Variants in WDR70 observed in about 807,000 individuals in gnomAD.
The protein encoded by WDR70 is WD repeat-containing protein 70.
In WDR70, 53 loss-of-function variants were observed where a neutral mutation model predicts 88.6. The observed-to-expected ratio is 0.60, with a 90% CI of 0.48 to 0.75. The LOEUF is 0.75. Ranked by LOEUF, WDR70 falls within the 30% of genes least tolerant of loss-of-function variation. WDR70 has a pLI of 0.00. For synonymous variants in WDR70, 280 were observed against 270.0 expected (o/e 1.04, Z -0.36); for missense variants, 610 against 823.2 (o/e 0.74, Z 3.17).
intron 6 of WDR70, among the ~76,000 whole-genome samples, chr5:37,438,908 G>GC (rs1554139613): frequency 6.8e-6 from 1 of 146,226 alleles, no homozygotes; most frequent in Non-Finnish European, 1.5e-5. Flanking sequence ...GTCCTCATTC[G>GC]TTTTTTTTTT....
chr5:37,488,707 C>A (rs759812164), intron 8 of WDR70, among the ~76,000 whole-genome samples: 1 of 151,766 alleles, frequency 6.6e-6, no homozygotes, highest in Non-Finnish European at 1.5e-5. Context: ...TTTCTGGTTC[C>A]TTTGTATTGT....
At chr5:37,432,868 C>G (rs1561850264) in intron 5 of WDR70, among the ~76,000 whole-genome samples, 1 of 151,948 alleles carries the variant, frequency 6.6e-6, no homozygotes, top group Non-Finnish European at 1.5e-5. Context: ...CGGCCTTTTG[C>G]TCATTTTAAA....
intron 17 of WDR70, among the ~76,000 whole-genome samples, chr5:37,741,459 A>G (rs112326186): frequency 6.6e-6 from 1 of 152,112 alleles, no homozygotes; most frequent in Non-Finnish European, 1.5e-5. Context: ...TTCGTGGAAG[A>G]CAATTTTTCC....
intron 6 of WDR70, among the ~76,000 whole-genome samples, chr5:37,438,301 C>G (rs533389405): frequency 6.6e-6 from 1 of 152,170 alleles, no homozygotes; most frequent in South Asian, 2.1e-4. Flanking sequence ...AAATTTCTTA[C>G]TACCTTTAGC....
At chr5:37,667,216 C>T (rs915006262) in intron 10 of WDR70, among the ~76,000 whole-genome samples, 7 of 152,184 alleles carry the variant, frequency 4.6e-5, no homozygotes, top group Non-Finnish European at 8.8e-5. Context: ...CCATCTCACT[C>T]CTTGCACTGT....
intron 9 of WDR70, among the ~76,000 whole-genome samples, chr5:37,570,307 A>G (rs1228207037): frequency 6.6e-6 from 1 of 152,162 alleles, no homozygotes; most frequent in East Asian, 1.9e-4. Context: ...GTGGAGGGGT[A>G]TCACAGCAGG....
intron 9 of WDR70, among the ~76,000 whole-genome samples, chr5:37,541,616 A>T (rs1741818255): frequency 6.6e-6 from 1 of 152,214 alleles, no homozygotes; most frequent in Non-Finnish European, 1.5e-5. Flanking sequence ...ATGGAAGAAT[A>T]GTGAGGCAGT....
intron 17 of WDR70, among the ~76,000 whole-genome samples, chr5:37,744,622 G>A (rs1251816313): frequency 6.6e-6 from 1 of 151,774 alleles, no homozygotes; most frequent in Non-Finnish European, 1.5e-5. Context: ...CACAGCACAA[G>A]AACTTTGTGA....
chr5:37,477,280 T>C (rs1306207220), intron 7 of WDR70, among the ~76,000 whole-genome samples: 1 of 152,228 alleles, frequency 6.6e-6, no homozygotes, highest in Admixed American at 6.5e-5. Flanking sequence ...TTTTAGTTTT[T>C]CTGAAAACAT....
chr5:37,392,105 C>G lies in WDR70; in HGVS notation c.281C>G (p.Ser94Cys). 1 of 1,609,102 alleles carries G rather than the reference C, an allele frequency of 6.2e-7. No homozygotes were observed. Among genetic ancestry groups the G allele is most frequent in the Non-Finnish European group, 8.5e-7 (1 of 1,179,180 alleles). Reference protein sequence around the residue: ...SSRSNVVRDCSKSSSRDTSSS... With the variant: ...SSRSNVVRDCCKSSSRDTSSS... ...AGATCAAATGTGGTCAGAGATTGCTCCAAATCATCTTCCAGGTGCCTGATT... is the reference window on the plus strand; with the variant it reads ...AGATCAAATGTGGTCAGAGATTGCTGCAAATCATCTTCCAGGTGCCTGATT... The change falls in exon 4 of 18, where the codon TCC (serine) becomes TGC (cysteine). Residue 94 changes from serine to cysteine, a missense_variant. Around this residue, in one of 4 missense-constraint regions of WDR70, gnomAD observed 203 missense variants for 228.1 expected, o/e 0.89. Coordinates refer to ENST00000265107, the MANE Select transcript of WDR70 (RefSeq NM_018034.4).
chr5:37,747,533 C>A (rs1242562474), intron 17 of WDR70, among the ~76,000 whole-genome samples: 1 of 152,194 alleles, frequency 6.6e-6, no homozygotes, highest in Non-Finnish European at 1.5e-5. Flanking sequence ...GACAAACCCA[C>A]AGCCAATATT....
chr5:37,489,793 A>ATT (rs112647607), intron 8 of WDR70, among the ~76,000 whole-genome samples: 3 of 146,162 alleles, frequency 2.1e-5, no homozygotes, highest in Non-Finnish European at 1.5e-5. Context: ...AGTGTCAGGC[A>ATT]TTTTTTTTTT....
At chr5:37,729,907 C>T (rs1418273867) in intron 17 of WDR70, among the ~76,000 whole-genome samples, 1 of 152,082 alleles carries the variant, frequency 6.6e-6, no homozygotes, top group Non-Finnish European at 1.5e-5. Flanking sequence ...AGTCCCTTTC[C>T]TATCCACCCC....
At chr5:37,745,213 G>A (rs770317373) in intron 17 of WDR70, among the ~76,000 whole-genome samples, 1 of 152,042 alleles carries the variant, frequency 6.6e-6, no homozygotes, top group African/African-American at 2.4e-5. Flanking sequence ...ATCCTTTCCA[G>A]ACAAGCAAAT....
chr5:37,673,583 A>ACCCCCTCC (rs1746094773), intron 10 of WDR70, among the ~76,000 whole-genome samples: 1 of 76,228 alleles, frequency 1.3e-5, no homozygotes, highest in Non-Finnish European at 2.4e-5. Flanking sequence ...GACTTTTCTT[A>ACCCCCTCC]CCCCCCCCCC....
chr5:37,568,579 TG>T (rs1402246239), intron 9 of WDR70, among the ~76,000 whole-genome samples: 2 of 152,202 alleles, frequency 1.3e-5, no homozygotes, highest in African/African-American at 4.8e-5. Flanking sequence ...GATCATGGCA[TG>T]TTTTTTACAA....
intron 8 of WDR70, among the ~76,000 whole-genome samples, chr5:37,497,569 A>T (rs1161112698): frequency 1.3e-5 from 2 of 150,876 alleles, no homozygotes; most frequent in Admixed American, 1.3e-4. Context: ...TCTGGCCTTC[A>T]GCCCAAATTT....
chr5:37,447,470 A>C (rs1738533344), intron 7 of WDR70, among the ~76,000 whole-genome samples: 1 of 152,224 alleles, frequency 6.6e-6, no homozygotes, highest in Non-Finnish European at 1.5e-5. Context: ...TCATGCTGCC[A>C]AAAAGACAAA....
At chr5:37,464,150 C>T (rs1739091586) in intron 7 of WDR70, among the ~76,000 whole-genome samples, 2 of 152,114 alleles carry the variant, frequency 1.3e-5, no homozygotes, top group African/African-American at 4.8e-5. Flanking sequence ...AAAAATAAAT[C>T]ATCAGAAGAA....
Sources: gnomAD v4.1 joint callset for allele counts (sites outside exome capture counted in the v4.1 genomes callset) on GRCh38, gnomAD v4.1.1 for gene constraint, gnomAD v4.1.1 regional missense constraint, MANE v1.5 for transcripts, NCBI Gene and HGNC (gene_info 2026-07-23, HGNC 2026-07-21) for gene names.